The following TBC1D19 variants were observed in gnomAD, a reference collection of about 807,000 sequenced individuals.
TBC1D19 encodes TBC1 domain family member 19.
Under a neutral mutation model 89.0 loss-of-function variants are expected in TBC1D19, and 60 were observed. The observed-to-expected ratio is 0.67, with a 90% CI of 0.55 to 0.84. The LOEUF is 0.84. TBC1D19 is among the 40% of genes least tolerant of loss of function. TBC1D19 has a pLI of 0.00. For missense variants in TBC1D19, 500 were observed against 610.8 expected (o/e 0.82, Z 1.91); for synonymous variants, 189 against 199.7 (o/e 0.95, Z 0.45).
chr4:26,729,405 A>G (rs1271508301), intron 15 of TBC1D19, among the ~76,000 whole-genome samples: 1 of 152,218 alleles, frequency 6.6e-6, no homozygotes, highest in Non-Finnish European at 1.5e-5. Context: ...TATATTTCCT[A>G]TCCTCAGGAA....
intron 13 of TBC1D19, among the ~76,000 whole-genome samples, chr4:26,693,769 T>C (rs1714507090): frequency 6.6e-6 from 1 of 151,888 alleles, no homozygotes; most frequent in South Asian, 2.1e-4. Context: ...AGATAGAAAT[T>C]ACATTTTTAA....
At chr4:26,596,686 C>T (rs1740244632) in intron 1 of TBC1D19, among the ~76,000 whole-genome samples, 1 of 148,944 alleles carries the variant, frequency 6.7e-6, no homozygotes, top group Non-Finnish European at 1.5e-5. Flanking sequence ...TTGTGCCATA[C>T]ACTTGAAGTC....
At chr4:26,841,633 G>A in the TBC1D19 span, among the ~76,000 whole-genome samples, 1 of 152,186 alleles carries the variant, frequency 6.6e-6, no homozygotes, top group Non-Finnish European at 1.5e-5. Context: ...AAGGGCATAT[G>A]GAACTTCCAA....
At chr4:26,705,806 T>C (rs927716972) in intron 13 of TBC1D19, among the ~76,000 whole-genome samples, 1 of 152,186 alleles carries the variant, frequency 6.6e-6, no homozygotes, top group Non-Finnish European at 1.5e-5. Context: ...TCTTTGGTGT[T>C]GGTATCAAGG....
intron 7 of TBC1D19, among the ~76,000 whole-genome samples, chr4:26,640,482 C>T (rs185757132): frequency 3.2e-4 from 48 of 152,296 alleles, no homozygotes; most frequent in African/African-American, 7.0e-4. Flanking sequence ...CAGCTCCCAG[C>T]GTGATCAACA....
At chr4:26,733,066 T>C (rs1009908887) in intron 15 of TBC1D19, among the ~76,000 whole-genome samples, 4 of 152,160 alleles carry the variant, frequency 2.6e-5, no homozygotes, top group African/African-American at 9.7e-5. Context: ...TTGGAGAACA[T>C]GAATCTGTGT....
chr4:26,851,207 C>T, the TBC1D19 span, among the ~76,000 whole-genome samples: 1 of 152,152 alleles, frequency 6.6e-6, no homozygotes, highest in Non-Finnish European at 1.5e-5. Flanking sequence ...TGGACTGAGC[C>T]ACACTATCAG....
the TBC1D19 span, among the ~76,000 whole-genome samples, chr4:26,842,777 A>G: frequency 3.3e-5 from 5 of 151,914 alleles, no homozygotes; most frequent in African/African-American, 1.2e-4. Flanking sequence ...TGCTGGGATT[A>G]GGATTATAGG....
At chr4:26,799,603 C>T in the TBC1D19 span, among the ~76,000 whole-genome samples, 1 of 152,098 alleles carries the variant, frequency 6.6e-6, no homozygotes, top group Non-Finnish European at 1.5e-5. Flanking sequence ...GTTATAAGAG[C>T]TCTGCCCTCA....
chr4:26,801,534 A>T, the TBC1D19 span, among the ~76,000 whole-genome samples: 1 of 152,104 alleles, frequency 6.6e-6, no homozygotes, highest in Non-Finnish European at 1.5e-5. Flanking sequence ...GTCTTTCCCA[A>T]TTCTGTGAAG....
chr4:26,587,732 C>T (rs1298113941), intron 1 of TBC1D19, among the ~76,000 whole-genome samples: 1 of 150,954 alleles, frequency 6.6e-6, no homozygotes, highest in Non-Finnish European at 1.5e-5. Context: ...TTATTTGCTC[C>T]TTAAATATTT....
intron 7 of TBC1D19, among the ~76,000 whole-genome samples, chr4:26,643,130 C>T (rs1253499368): frequency 5.9e-5 from 9 of 152,172 alleles, no homozygotes; most frequent in African/African-American, 2.2e-4. Context: ...ATACATTCTT[C>T]TCAGCACCAC....
intron 1 of TBC1D19, among the ~76,000 whole-genome samples, chr4:26,577,902 T>C (rs1739005803): frequency 6.6e-6 from 1 of 152,228 alleles, no homozygotes; most frequent in South Asian, 2.1e-4. Flanking sequence ...AATACATACA[T>C]AGTTTCATAA....
chr4:26,584,378 C>A, intron 1 of TBC1D19, 86 bp downstream of exon 1: 1 of 1,222,996 alleles, frequency 8.2e-7, no homozygotes, highest in Non-Finnish European at 1.2e-6. Context: ...AGCCAGAGCT[C>A]GCCTCTGACC....
chr4:26,647,555 T>C (rs1247069070), intron 7 of TBC1D19, among the ~76,000 whole-genome samples: 1 of 152,186 alleles, frequency 6.6e-6, no homozygotes, highest in African/African-American at 2.4e-5. Context: ...GGCCTTTAAA[T>C]GCAATTCAGA....
chr4:26,794,267 A>T, the TBC1D19 span, among the ~76,000 whole-genome samples: 1 of 152,222 alleles, frequency 6.6e-6, no homozygotes, highest in Non-Finnish European at 1.5e-5. Flanking sequence ...ACTTGAAATT[A>T]AATTTTTTAA....
chr4:26,759,230 C>T (rs1293803142), downstream of TBC1D19, among the ~76,000 whole-genome samples: 2 of 152,174 alleles, frequency 1.3e-5, no homozygotes, highest in East Asian at 3.9e-4. Context: ...TCCTTTTCAG[C>T]CATATATCTC....
chr4:26,613,998 C>T (rs1385412379), intron 2 of TBC1D19, among the ~76,000 whole-genome samples: 3 of 152,088 alleles, frequency 2.0e-5, no homozygotes, highest in Admixed American at 6.6e-5. Context: ...ACTTTGCTGA[C>T]GTGTGAATTA....
chr4:26,651,196 CG>C (rs957053628), intron 7 of TBC1D19, among the ~76,000 whole-genome samples: 18 of 152,270 alleles, frequency 1.2e-4, no homozygotes, highest in African/African-American at 4.1e-4. Flanking sequence ...CTTGGCACTG[CG>C]GGCTCTTTTT....
Sources: allele counts gnomAD v4.1 joint callset (sites outside exome capture counted in the v4.1 genomes callset), GRCh38; gene constraint gnomAD v4.1.1; transcripts MANE v1.5; gene names NCBI Gene and HGNC (gene_info 2026-07-23, HGNC 2026-07-21).